Variants in HSD11B1 observed in about 807,000 individuals in gnomAD.
HSD11B1 encodes the protein hydroxysteroid 11-beta dehydrogenase 1.
A neutral mutation model predicts 22.1 loss-of-function variants in HSD11B1; 15 were observed. That is an observed-to-expected ratio of 0.68 (90% CI 0.45 to 1.04). The LOEUF is 1.04. Among genes scored for constraint, HSD11B1 ranks in the 50% least tolerant of loss-of-function variants. HSD11B1 has a pLI of 0.00. For missense variants in HSD11B1, 281 were observed against 357.6 expected (o/e 0.79, Z 1.73); for synonymous variants, 122 against 125.2 (o/e 0.97, Z 0.17).
At chr1:209,713,352 T>G (rs1477175810) in intron 4 of HSD11B1, among the ~76,000 whole-genome samples, 1 of 152,222 alleles carries the variant, frequency 6.6e-6, no homozygotes, top group Non-Finnish European at 1.5e-5. Flanking sequence ...TGTTTTTAGC[T>G]TCATATTTTT....
At chr1:209,696,596 C>A (rs180680124) in intron 1 of HSD11B1, among the ~76,000 whole-genome samples, 1 of 151,948 alleles carries the variant, frequency 6.6e-6, no homozygotes, top group Non-Finnish European at 1.5e-5. Flanking sequence ...AAATGAGAAC[C>A]GAATCAAGGC....
At chr1:209,690,652 G>A (rs1039230397) in intron 1 of HSD11B1, among the ~76,000 whole-genome samples, 8 of 152,170 alleles carry the variant, frequency 5.3e-5, no homozygotes, top group African/African-American at 1.4e-4. Context: ...AGCCAAGATC[G>A]CGCCATTGCA....
intron 4 of HSD11B1, 74 bp downstream of exon 4, chr1:209,707,202 T>A: frequency 1.6e-6 from 2 of 1,240,912 alleles, no homozygotes; most frequent in South Asian, 1.2e-5. Flanking sequence ...GGCTCTGAAG[T>A]AGACATAAAT....
At chr1:209,697,144 G>A (rs1333219511) in intron 1 of HSD11B1, among the ~76,000 whole-genome samples, 1 of 152,158 alleles carries the variant, frequency 6.6e-6, no homozygotes, top group Non-Finnish European at 1.5e-5. Flanking sequence ...GCCTCTCCAG[G>A]CTTCTTACTG....
At position 209,706,026 on chromosome 1, in the gene HSD11B1, C is replaced by G. The variant is rs760989495; in HGVS notation, c.219+85C>G. The G allele has an allele frequency of 2.4e-5, 38 of 1,558,484 alleles. 1 individual carries two copies. In the Middle Eastern group the frequency reaches 7.1e-4, roughly 29 times the overall value. On this transcript the variant is annotated intron_variant, in intron 2 of 5. Transcript: ENST00000367027. The surrounding 1 kb of genome is among the most constrained non-coding windows in gnomAD (Gnocchi z 4.0). The stretch of plus-strand genomic sequence containing the variant: ...ATGCTCACATATACACAGAAGCTAG[C>G]ATATCGCAGATCTATATACAGAGGC...
chr1:209,695,800 C>T (rs1243931305), intron 1 of HSD11B1, among the ~76,000 whole-genome samples: 4 of 152,008 alleles, frequency 2.6e-5, no homozygotes, highest in Middle Eastern at 3.4e-3. Flanking sequence ...AGTGAGACTC[C>T]GTCTCAAAAA....
chr1:209,690,426 G>A (rs530500039), intron 1 of HSD11B1, among the ~76,000 whole-genome samples: 1 of 152,200 alleles, frequency 6.6e-6, no homozygotes, highest in South Asian at 2.1e-4. Context: ...GCCAGGAGCG[G>A]TGGCTCATGC....
At chr1:209,718,831 C>A (rs1286741615) in intron 4 of HSD11B1, among the ~76,000 whole-genome samples, 1 of 151,546 alleles carries the variant, frequency 6.6e-6, no homozygotes, top group African/African-American at 2.4e-5. Context: ...ACCAGCCTGG[C>A]CAATATGGTG....
chr1:209,699,388 G>A (rs2076812680), intron 1 of HSD11B1, among the ~76,000 whole-genome samples: 1 of 152,176 alleles, frequency 6.6e-6, no homozygotes, highest in African/African-American at 2.4e-5. Flanking sequence ...GTAGCCACAA[G>A]GCACTTCTTA....
upstream of HSD11B1, among the ~76,000 whole-genome samples, chr1:209,704,133 A>G (rs45617539): frequency 4.1e-4 from 63 of 152,228 alleles, 1 homozygote; most frequent in South Asian, 0.013. Flanking sequence ...TTGTTGCTCT[A>G]CAGCATTTAC....
At chr1:209,698,170 GA>G (rs2076804133) in intron 1 of HSD11B1, among the ~76,000 whole-genome samples, 2 of 16,450 alleles carry the variant, frequency 1.2e-4, no homozygotes, top group Non-Finnish European at 3.8e-4. Context: ...AGATAGATTA[GA>G]TAGATAGATA....
At chr1:209,724,497 A>G (rs1486491513) in intron 4 of HSD11B1, among the ~76,000 whole-genome samples, 1 of 152,222 alleles carries the variant, frequency 6.6e-6, no homozygotes, top group Non-Finnish European at 1.5e-5. Context: ...CAGAACGTGG[A>G]AGCCTTTGCC....
chr1:209,703,876 T>A (rs148714505), upstream of HSD11B1, among the ~76,000 whole-genome samples: 1 of 152,358 alleles, frequency 6.6e-6, no homozygotes, highest in African/African-American at 2.4e-5. Flanking sequence ...ATGATACATC[T>A]TAAATTCTTT....
upstream of HSD11B1, among the ~76,000 whole-genome samples, chr1:209,702,501 G>T (rs568879685): frequency 4.6e-5 from 7 of 152,300 alleles, 1 homozygote; most frequent in South Asian, 6.2e-4. Context: ...TATGGTCAAA[G>T]TGTGGTCCCC....
chr1:209,722,808 G>A (rs1018012699), intron 4 of HSD11B1, among the ~76,000 whole-genome samples: 1 of 152,206 alleles, frequency 6.6e-6, no homozygotes, highest in Non-Finnish European at 1.5e-5. Context: ...CAGGAATGAA[G>A]TTTTTCAATC....
chr1:209,687,429 G>A (rs1028929187), intron 1 of HSD11B1, among the ~76,000 whole-genome samples: 1 of 152,214 alleles, frequency 6.6e-6, no homozygotes, highest in Non-Finnish European at 1.5e-5. Flanking sequence ...CTGTCATTAG[G>A]ATGATATGAA....
intron 4 of HSD11B1, among the ~76,000 whole-genome samples, chr1:209,707,811 A>G (rs1335141128): frequency 2.0e-5 from 3 of 152,218 alleles, no homozygotes; most frequent in Non-Finnish European, 4.4e-5. Context: ...CTCCATGACC[A>G]AAAGGTTGGT....
intron 1 of HSD11B1, among the ~76,000 whole-genome samples, chr1:209,687,733 T>C (rs1477557816): frequency 2.0e-5 from 3 of 152,168 alleles, no homozygotes; most frequent in Admixed American, 6.5e-5. Context: ...CGAGAGCTCA[T>C]AAACACCGCA....
intron 4 of HSD11B1, among the ~76,000 whole-genome samples, chr1:209,719,615 C>T (rs11119332): frequency 0.2 from 29,758 of 152,076 alleles, 2,962 homozygotes; most frequent in East Asian, 0.22. Flanking sequence ...TGTCCATGTA[C>T]TCTCATTGTT....
Sources: allele counts gnomAD v4.1 joint callset (sites outside exome capture counted in the v4.1 genomes callset), GRCh38; gene constraint gnomAD v4.1.1; non-coding constraint Gnocchi (gnomAD v3.1); transcripts MANE v1.5; gene names NCBI Gene and HGNC (gene_info 2026-07-23, HGNC 2026-07-21).